Variants in DRC11 observed in about 807,000 individuals in gnomAD.
DRC11 encodes IQ and AAA domain-containing protein 1.
the DRC11 span, among the ~76,000 whole-genome samples, chr2:236,403,252 G>A: frequency 5.3e-5 from 8 of 152,236 alleles, no homozygotes; most frequent in East Asian, 1.5e-3. Context: ...GGCTGAAGGA[G>A]GTTCGGCAGC....
chr2:236,446,901 G>T, the DRC11 span, among the ~76,000 whole-genome samples: 1 of 147,832 alleles, frequency 6.8e-6, no homozygotes, highest in East Asian at 1.9e-4. The surrounding 1 kb of genome is among the most constrained non-coding windows in gnomAD (Gnocchi z 6.2). Flanking sequence ...TCCCCTGACT[G>T]CGGCTGCTGG....
the DRC11 span, among the ~76,000 whole-genome samples, chr2:236,396,278 C>G: frequency 2.1e-5 from 2 of 93,920 alleles, no homozygotes; most frequent in African/African-American, 4.6e-5. Flanking sequence ...CAGTTTCACA[C>G]GTGGGGGGGC....
At chr2:236,460,754 TTTTA>T in the DRC11 span, among the ~76,000 whole-genome samples, 2,940 of 152,234 alleles carry the variant, frequency 0.019, 35 homozygotes, top group Non-Finnish European at 0.028. The surrounding 1 kb of genome is among the most constrained non-coding windows in gnomAD (Gnocchi z 4.0). Flanking sequence ...TACATATTTA[TTTTA>T]TTTATTTATT....
the DRC11 span, among the ~76,000 whole-genome samples, chr2:236,353,169 A>AC: frequency 6.6e-6 from 1 of 152,370 alleles, no homozygotes; most frequent in South Asian, 2.1e-4. The surrounding 1 kb of genome is among the most constrained non-coding windows in gnomAD (Gnocchi z 5.0). Context: ...GAGGTCACGG[A>AC]CAATTACATT....
chr2:236,430,177 C>T, the DRC11 span, among the ~76,000 whole-genome samples: 2 of 149,610 alleles, frequency 1.3e-5, no homozygotes, highest in Admixed American at 6.8e-5. This position sits in a 1 kb window ranked among gnomAD's most constrained non-coding sequence, Gnocchi z 6.0. Flanking sequence ...ATTTTATATA[C>T]ATATATGCGA....
the DRC11 span, among the ~76,000 whole-genome samples, chr2:236,338,621 TG>T: frequency 6.6e-6 from 1 of 151,970 alleles, no homozygotes; most frequent in Admixed American, 6.6e-5. Flanking sequence ...ATTTAGAGGG[TG>T]GGAAGGAAGG....
At chr2:236,457,893 GT>G in the DRC11 span, among the ~76,000 whole-genome samples, 1 of 152,164 alleles carries the variant, frequency 6.6e-6, no homozygotes, top group East Asian at 1.9e-4. This position sits in a 1 kb window ranked among gnomAD's most constrained non-coding sequence, Gnocchi z 4.7. Flanking sequence ...AATTTCTATT[GT>G]TTTAAGCCAC....
the DRC11 span, among the ~76,000 whole-genome samples, chr2:236,383,237 T>C: frequency 2.6e-5 from 4 of 152,212 alleles, no homozygotes; most frequent in Non-Finnish European, 5.9e-5. Flanking sequence ...CTTATTAGCA[T>C]ATAATTGTTC....
At chr2:236,322,188 T>C in the DRC11 span, among the ~76,000 whole-genome samples, 2 of 151,402 alleles carry the variant, frequency 1.3e-5, no homozygotes, top group African/African-American at 2.4e-5. Flanking sequence ...CCAAAATCAA[T>C]CTGTCTTTGA....
the DRC11 span, among the ~76,000 whole-genome samples, chr2:236,409,688 G>A: frequency 3.3e-5 from 5 of 151,892 alleles, no homozygotes; most frequent in African/African-American, 4.9e-5. Flanking sequence ...TCTTGTGCCC[G>A]TTTTCAAAGG....
chr2:236,507,179 TAAGAG>T, the DRC11 span: 3 of 1,440,044 alleles, frequency 2.1e-6, no homozygotes, highest in Admixed American at 3.4e-5. Context: ...AAAAAGAAAA[TAAGAG>T]AAGCAGAAAG....
At chr2:236,491,146 ATATATACACAC>A in the DRC11 span, among the ~76,000 whole-genome samples, 1 of 77,686 alleles carries the variant, frequency 1.3e-5, no homozygotes, top group Non-Finnish European at 2.6e-5. Context: ...TATACAGTAT[ATATATACACAC>A]AGTATATATA....
At chr2:236,317,250 C>T in the DRC11 span, among the ~76,000 whole-genome samples, 2 of 151,564 alleles carry the variant, frequency 1.3e-5, no homozygotes, top group Middle Eastern at 3.4e-3. This position sits in a 1 kb window ranked among gnomAD's most constrained non-coding sequence, Gnocchi z 5.4. Context: ...GAGCTGAGAT[C>T]GCGCCACTGC....
chr2:236,457,665 G>A, the DRC11 span, among the ~76,000 whole-genome samples: 1 of 152,198 alleles, frequency 6.6e-6, no homozygotes, highest in Non-Finnish European at 1.5e-5. This position sits in a 1 kb window ranked among gnomAD's most constrained non-coding sequence, Gnocchi z 4.7. Context: ...GCAGTCCTAA[G>A]TGTCCTATAA....
chr2:236,473,795 T>G, the DRC11 span, among the ~76,000 whole-genome samples: 4 of 152,030 alleles, frequency 2.6e-5, no homozygotes, highest in Admixed American at 1.3e-4. This position sits in a 1 kb window ranked among gnomAD's most constrained non-coding sequence, Gnocchi z 4.8. Context: ...AAAAAAAAAT[T>G]TATATGACAA....
At chr2:236,357,029 A>ATATTATATATCTATATAT in the DRC11 span, among the ~76,000 whole-genome samples, 1,869 of 85,444 alleles carry the variant, frequency 0.022, 172 homozygotes, top group Non-Finnish European at 0.03. Flanking sequence ...ATATCTATAT[A>ATATTATATATCTATATAT]TTTATATATT....
the DRC11 span, chr2:236,338,193 G>A: frequency 5.0e-6 from 8 of 1,611,518 alleles, no homozygotes; most frequent in Non-Finnish European, 5.9e-6. Flanking sequence ...GGAAGGGGCT[G>A]GGGGTACTTG....
chr2:236,316,307 C>T, the DRC11 span, among the ~76,000 whole-genome samples: 11,433 of 152,142 alleles, frequency 0.075, 993 homozygotes, highest in East Asian at 0.24. The surrounding 1 kb of genome is among the most constrained non-coding windows in gnomAD (Gnocchi z 6.8). Context: ...GGATTACAGG[C>T]ACCCACCACC....
chr2:236,341,995 C>A, the DRC11 span, among the ~76,000 whole-genome samples: 13 of 152,202 alleles, frequency 8.5e-5, no homozygotes, highest in Non-Finnish European at 8.8e-5. Flanking sequence ...AGTGTCCCTG[C>A]GCCCGGGAAG....
Sources: allele counts gnomAD v4.1 joint callset (sites outside exome capture counted in the v4.1 genomes callset), GRCh38; gene constraint gnomAD v4.1.1; non-coding constraint Gnocchi (gnomAD v3.1); transcripts MANE v1.5; gene names NCBI Gene and HGNC (gene_info 2026-07-23, HGNC 2026-07-21).